SMIM10L3: variants seen among roughly 807,000 people sequenced by gnomAD.
The protein encoded by SMIM10L3 is small integral membrane protein 10 like 3.
the SMIM10L3 span, among the ~76,000 whole-genome samples, chr7:6,333,106 G>A: frequency 9.3e-5 from 14 of 150,180 alleles, no homozygotes; most frequent in African/African-American, 3.2e-4. Flanking sequence ...GCAGTGAGCC[G>A]AGATCCCACC....
At chr7:6,333,284 T>A in the SMIM10L3 span, among the ~76,000 whole-genome samples, 1 of 151,838 alleles carries the variant, frequency 6.6e-6, no homozygotes, top group Non-Finnish European at 1.5e-5. Context: ...TCGGGCCATG[T>A]CACAGGGAGC....
the SMIM10L3 span, among the ~76,000 whole-genome samples, chr7:6,340,585 G>C: frequency 6.6e-6 from 1 of 152,184 alleles, no homozygotes; most frequent in South Asian, 2.1e-4. Context: ...CAGACTCGAA[G>C]GAGGGCAGGT....
At chr7:6,345,229 C>A in the SMIM10L3 span, among the ~76,000 whole-genome samples, 1 of 151,486 alleles carries the variant, frequency 6.6e-6, no homozygotes, top group East Asian at 2.0e-4. Flanking sequence ...GCGATCCTCC[C>A]ACCTCTGCCT....
the SMIM10L3 span, chr7:6,331,109 G>T: frequency 6.2e-7 from 1 of 1,613,344 alleles, no homozygotes; most frequent in South Asian, 1.1e-5. Context: ...CCGGCCTGCT[G>T]CACTTGTGCC....
At chr7:6,330,108 C>G in the SMIM10L3 span, 2 of 443,690 alleles carry the variant, frequency 4.5e-6, no homozygotes, top group Non-Finnish European at 8.3e-6. Context: ...ATGTTCTAAT[C>G]TGGTATTTAT....
chr7:6,348,887 G>A, the SMIM10L3 span: 46 of 387,830 alleles, frequency 1.2e-4, no homozygotes, highest in Admixed American at 4.5e-5. Context: ...CGGGCGGGCC[G>A]CAGTGGAGCG....
the SMIM10L3 span, among the ~76,000 whole-genome samples, chr7:6,332,062 A>C: frequency 0.013 from 2,011 of 150,802 alleles, 42 homozygotes; most frequent in African/African-American, 0.047. Context: ...CTGTGAGCCG[A>C]GATCATGCCA....
At chr7:6,333,427 T>C in the SMIM10L3 span, among the ~76,000 whole-genome samples, 3 of 152,132 alleles carry the variant, frequency 2.0e-5, no homozygotes, top group Non-Finnish European at 4.4e-5. Flanking sequence ...GTTAGGAGGC[T>C]GTTCCACAGA....
the SMIM10L3 span, chr7:6,330,914 G>A: frequency 6.2e-7 from 1 of 1,614,184 alleles, no homozygotes; most frequent in South Asian, 1.1e-5. Flanking sequence ...GGAAGCACTG[G>A]GCCGCCACTG....
chr7:6,339,803 C>T, the SMIM10L3 span, among the ~76,000 whole-genome samples: 7 of 151,870 alleles, frequency 4.6e-5, no homozygotes, highest in South Asian at 6.2e-4. Context: ...CCTGTCTCCC[C>T]CTCCCGGTCC....
chr7:6,337,663 A>G, the SMIM10L3 span, among the ~76,000 whole-genome samples: 1 of 151,752 alleles, frequency 6.6e-6, no homozygotes, highest in Non-Finnish European at 1.5e-5. Context: ...ACTCAGAAAC[A>G]TAAAAAAATT....
the SMIM10L3 span, among the ~76,000 whole-genome samples, chr7:6,347,907 A>ATTATTG: frequency 6.8e-6 from 1 of 146,164 alleles, no homozygotes; most frequent in Non-Finnish European, 1.5e-5. Flanking sequence ...TATTATTATT[A>ATTATTG]TTATTATTAT....
At chr7:6,340,905 A>G in the SMIM10L3 span, among the ~76,000 whole-genome samples, 2 of 148,174 alleles carry the variant, frequency 1.3e-5, no homozygotes, top group Non-Finnish European at 3.0e-5. Flanking sequence ...TCTCAAAAAA[A>G]AAAAAAAAAA....
chr7:6,335,189 A>G, the SMIM10L3 span, among the ~76,000 whole-genome samples: 1 of 151,622 alleles, frequency 6.6e-6, no homozygotes, highest in Non-Finnish European at 1.5e-5. Flanking sequence ...CAGCCTCCCA[A>G]GTTGCTGGGA....
the SMIM10L3 span, among the ~76,000 whole-genome samples, chr7:6,334,406 C>T: frequency 6.6e-6 from 1 of 151,650 alleles, no homozygotes; most frequent in Admixed American, 6.6e-5. Flanking sequence ...CATGGTGGAG[C>T]ATGCCTGTAG....
At chr7:6,337,918 C>T in the SMIM10L3 span, among the ~76,000 whole-genome samples, 1 of 151,508 alleles carries the variant, frequency 6.6e-6, no homozygotes, top group Admixed American at 6.6e-5. Context: ...ATTCTCCTGC[C>T]TCACCCTCCC....
At chr7:6,347,571 T>A in the SMIM10L3 span, among the ~76,000 whole-genome samples, 1 of 151,764 alleles carries the variant, frequency 6.6e-6, no homozygotes, top group Admixed American at 6.6e-5. Flanking sequence ...TCCAGGGTGC[T>A]GGGGTGTGAG....
the SMIM10L3 span, among the ~76,000 whole-genome samples, chr7:6,335,827 G>T: frequency 6.6e-6 from 1 of 152,008 alleles, no homozygotes; most frequent in Non-Finnish European, 1.5e-5. Flanking sequence ...TTGAGCCCAG[G>T]GGTGTGAGAC....
chr7:6,335,089 G>A, the SMIM10L3 span, among the ~76,000 whole-genome samples: 1 of 150,544 alleles, frequency 6.6e-6, no homozygotes, highest in South Asian at 2.1e-4. Flanking sequence ...TTGAGACAGA[G>A]TCTCACTCTG....
Sources: allele counts gnomAD v4.1 joint callset (sites outside exome capture counted in the v4.1 genomes callset), GRCh38; gene constraint gnomAD v4.1.1; transcripts MANE v1.5; gene names NCBI Gene and HGNC (gene_info 2026-07-23, HGNC 2026-07-21).